Variants in BMERB1 observed in about 807,000 individuals in gnomAD.
BMERB1 encodes the protein bMERB domain-containing protein 1.
BMERB1 carries 12 observed loss-of-function variants against 23.6 expected under a neutral mutation model. The ratio of observed to expected loss-of-function variants is 0.51; its 90% CI spans 0.33 to 0.82. The LOEUF (loss-of-function observed/expected upper bound fraction) is 0.82, where lower values mean the gene tolerates loss of function less well. Ranked by LOEUF, BMERB1 falls within the 40% of genes least tolerant of loss-of-function variation. BMERB1 has a pLI of 0.03. For missense variants in BMERB1, 247 were observed against 255.4 expected (o/e 0.97, Z 0.22); for synonymous variants, 122 against 96.6 (o/e 1.26, Z -1.54).
intron 1 of BMERB1, among the ~76,000 whole-genome samples, chr16:15,483,302 T>G (rs1289796107): frequency 2.0e-5 from 3 of 152,226 alleles, no homozygotes; most frequent in Admixed American, 1.3e-4. Flanking sequence ...TCTAAAGAAA[T>G]GTTCTGTGTT....
At chr16:15,572,835 G>T (rs886308409) in intron 3 of BMERB1, among the ~76,000 whole-genome samples, 5 of 152,122 alleles carry the variant, frequency 3.3e-5, no homozygotes, top group African/African-American at 1.2e-4. Flanking sequence ...AATCATGGGG[G>T]ACAGTTTCCC....
intron 1 of BMERB1, among the ~76,000 whole-genome samples, chr16:15,480,635 A>G (rs1347569641): frequency 1.0e-5 from 1 of 98,520 alleles, no homozygotes; most frequent in Non-Finnish European, 1.9e-5. Flanking sequence ...TTTTTTTGAG[A>G]CAGAGTCTCA....
At chr16:15,477,508 G>A (rs927343005) in intron 1 of BMERB1, among the ~76,000 whole-genome samples, 1 of 152,184 alleles carries the variant, frequency 6.6e-6, no homozygotes, top group Non-Finnish European at 1.5e-5. Flanking sequence ...ATGCACACCT[G>A]TAGTCCCAGC....
intron 1 of BMERB1, among the ~76,000 whole-genome samples, chr16:15,489,494 A>G (rs1364839353): frequency 6.6e-6 from 1 of 152,148 alleles, no homozygotes; most frequent in East Asian, 1.9e-4. Flanking sequence ...TGGCAAGCCC[A>G]GTCCCACATC....
intron 1 of BMERB1, among the ~76,000 whole-genome samples, chr16:15,442,875 A>G (rs986240762): frequency 6.6e-6 from 1 of 152,182 alleles, no homozygotes; most frequent in Non-Finnish European, 1.5e-5. Flanking sequence ...TGCTGTAGAG[A>G]TTAGAGATGG....
At chr16:15,479,603 C>T (rs896616851) in intron 1 of BMERB1, among the ~76,000 whole-genome samples, 2 of 151,986 alleles carry the variant, frequency 1.3e-5, no homozygotes, top group Non-Finnish European at 2.9e-5. Flanking sequence ...CCAACCAAAA[C>T]AATATATATT....
At chr16:15,458,627 G>A in intron 1 of BMERB1, among the ~76,000 whole-genome samples, 1 of 151,624 alleles carries the variant, frequency 6.6e-6, no homozygotes, top group East Asian at 1.9e-4. Flanking sequence ...TGATGCAGGA[G>A]GATTGTTTGA....
At chr16:15,451,552 CTT>C (rs35544766) in intron 1 of BMERB1, among the ~76,000 whole-genome samples, 3 of 84,020 alleles carry the variant, frequency 3.6e-5, no homozygotes, top group Non-Finnish European at 4.6e-5. Flanking sequence ...CTTAGTATTT[CTT>C]TTTTTTTTTT....
chr16:15,580,247 C>T (rs1452039259), intron 3 of BMERB1, among the ~76,000 whole-genome samples: 2 of 151,954 alleles, frequency 1.3e-5, no homozygotes, highest in African/African-American at 4.8e-5. Flanking sequence ...CAGGAACACT[C>T]CATCACATGT....
intron 1 of BMERB1, among the ~76,000 whole-genome samples, chr16:15,478,048 C>A (rs2051287913): frequency 6.6e-6 from 1 of 152,146 alleles, no homozygotes; most frequent in Non-Finnish European, 1.5e-5. Context: ...TTTAATGAGT[C>A]AAATGCATTG....
chr16:15,440,602 AATAC>A (rs2050931514), intron 1 of BMERB1, among the ~76,000 whole-genome samples: 1 of 152,124 alleles, frequency 6.6e-6, no homozygotes, highest in African/African-American at 2.4e-5. Flanking sequence ...TTCTAGAAGT[AATAC>A]ATGTACTTTA....
intron 2 of BMERB1, among the ~76,000 whole-genome samples, chr16:15,553,727 A>C (rs2030161343): frequency 6.6e-6 from 1 of 152,248 alleles, no homozygotes; most frequent in South Asian, 2.1e-4. Flanking sequence ...GTACCAAAAC[A>C]GGCAGTGGGC....
chr16:15,547,807 G>A (rs2029966373), intron 2 of BMERB1, among the ~76,000 whole-genome samples: 1 of 152,184 alleles, frequency 6.6e-6, no homozygotes, highest in South Asian at 2.1e-4. Context: ...CAGTGTCCCA[G>A]CTCCACCATT....
chr16:15,568,624 C>T (rs1453062037), intron 3 of BMERB1, among the ~76,000 whole-genome samples: 1 of 151,836 alleles, frequency 6.6e-6, no homozygotes, highest in African/African-American at 2.4e-5. Context: ...GGCAACACAG[C>T]GAGACACTGT....
At chr16:15,502,338 C>T in intron 1 of BMERB1, 1 of 1,551,300 alleles carries the variant, frequency 6.4e-7, no homozygotes, top group Non-Finnish European at 8.7e-7. Context: ...GGCGACCTCA[C>T]AGAGACGGGA....
intron 1 of BMERB1, among the ~76,000 whole-genome samples, chr16:15,443,280 C>T (rs1328592535): frequency 2.0e-5 from 3 of 148,350 alleles, no homozygotes; most frequent in Admixed American, 1.3e-4. Context: ...AGGCTGGGTG[C>T]GGTGGCTCTC....
intron 1 of BMERB1, among the ~76,000 whole-genome samples, chr16:15,482,062 A>G (rs993838132): frequency 9.9e-5 from 15 of 152,212 alleles, no homozygotes; most frequent in Admixed American, 3.9e-4. Flanking sequence ...CATCAGGACC[A>G]TGAACCTGAC....
chr16:15,570,775 T>A (rs149411859), intron 3 of BMERB1, among the ~76,000 whole-genome samples: 1 of 151,990 alleles, frequency 6.6e-6, no homozygotes, highest in South Asian at 2.1e-4. Context: ...AGGGGTAGAT[T>A]ATTCATGAGT....
At chr16:15,576,507 A>G (rs1039466278) in intron 3 of BMERB1, among the ~76,000 whole-genome samples, 2 of 152,070 alleles carry the variant, frequency 1.3e-5, no homozygotes, top group African/African-American at 4.8e-5. Context: ...CAAAACAAAC[A>G]ATTACTGGAA....
Sources: gnomAD v4.1 joint callset for allele counts (sites outside exome capture counted in the v4.1 genomes callset) on GRCh38, gnomAD v4.1.1 for gene constraint, MANE v1.5 for transcripts, NCBI Gene and HGNC (gene_info 2026-07-23, HGNC 2026-07-21) for gene names.